Variants in CRPPA observed in about 807,000 individuals in gnomAD.
CRPPA encodes D-ribitol-5-phosphate cytidylyltransferase.
A neutral mutation model predicts 52.0 loss-of-function variants in CRPPA; 43 were observed. That is an observed-to-expected ratio of 0.83 (90% confidence interval 0.65 to 1.07). The LOEUF is 1.07. CRPPA is among the 50% of genes least tolerant of loss of function. CRPPA has a pLI of 0.00. For synonymous variants in CRPPA, 250 were observed against 203.5 expected, an observed-to-expected ratio of 1.23 and a Z score of -1.94; for missense variants, 629 against 551.7, an observed-to-expected ratio of 1.14 and a Z score of -1.40.
chr7:16,362,832 C>CT (rs1562654513), intron 3 of CRPPA, among the ~76,000 whole-genome samples: 2 of 151,988 alleles, frequency 1.3e-5, no homozygotes, highest in Admixed American at 1.3e-4. Context: ...TTTACTCTTC[C>CT]TTTTTTTGGC....
At position 16,099,617 on chromosome 7, in the gene CRPPA, A is replaced by T. The variant is rs1250663841; in HGVS notation, c.1252-7818T>A. On this transcript the variant is annotated intron_variant, in intron 9 of 9. Coordinates refer to ENST00000407010, the MANE Select transcript of CRPPA (RefSeq NM_001101426.4). ...GGAGCAGGAACAGAGAGTAGGAAAG[A>T]CACAAACTACAGTGCTCAGAGCCAG... Among the ~76,000 whole-genome samples the T allele has an allele frequency of 2.6e-5, 4 of 152,200 alleles. No homozygotes were observed. In the East Asian group the frequency reaches 7.7e-4, roughly 29 times the overall value.
chr7:16,311,277 C>T (rs73298642), intron 3 of CRPPA, among the ~76,000 whole-genome samples: 11,932 of 152,148 alleles, frequency 0.078, 893 homozygotes, highest in African/African-American at 0.18. Context: ...ACGTCCATCA[C>T]TGTAGTTATT....
At chr7:16,286,078 T>A (rs1282112442) in intron 5 of CRPPA, among the ~76,000 whole-genome samples, 1,838 of 19,254 alleles carry the variant, frequency 0.095, 273 homozygotes, top group Non-Finnish European at 0.12. Flanking sequence ...TATATATATA[T>A]ATAATATTTA....
chr7:16,136,901 T>G (rs748992629), intron 9 of CRPPA, among the ~76,000 whole-genome samples: 4 of 152,252 alleles, frequency 2.6e-5, no homozygotes, highest in Non-Finnish European at 5.9e-5. Context: ...CTGATAGCTT[T>G]GAGCTCTATA....
intron 9 of CRPPA, among the ~76,000 whole-genome samples, chr7:16,203,462 T>A (rs1781903674): frequency 6.6e-6 from 1 of 152,166 alleles, no homozygotes; most frequent in Non-Finnish European, 1.5e-5. Context: ...GAACTATGGT[T>A]TTTAGTGAAA....
chr7:16,396,741 G>C (rs1418875221), intron 2 of CRPPA, among the ~76,000 whole-genome samples: 1 of 152,230 alleles, frequency 6.6e-6, no homozygotes, highest in Non-Finnish European at 1.5e-5. Context: ...ACATTCGTAT[G>C]ACATGACTGA....
intron 8 of CRPPA, 35 bp downstream of exon 8, chr7:16,258,355 T>A: frequency 7.6e-7 from 1 of 1,318,580 alleles, no homozygotes; most frequent in Non-Finnish European, 1.1e-6. Flanking sequence ...GAAGGAAGCA[T>A]AAGTTTGAGA....
At chr7:16,397,211 T>C (rs112606025) in intron 2 of CRPPA, among the ~76,000 whole-genome samples, 1 of 152,178 alleles carries the variant, frequency 6.6e-6, no homozygotes, top group Non-Finnish European at 1.5e-5. Context: ...GTGACACGAC[T>C]GACACGTATG....
At chr7:16,264,198 T>C (rs1356127454) in intron 6 of CRPPA, among the ~76,000 whole-genome samples, 1 of 152,212 alleles carries the variant, frequency 6.6e-6, no homozygotes, top group East Asian at 1.9e-4. Flanking sequence ...TTAGGTTGTT[T>C]ATATATAAAA....
chr7:16,228,759 ACTC>A (rs1782714909), intron 8 of CRPPA, among the ~76,000 whole-genome samples: 5 of 151,882 alleles, frequency 3.3e-5, no homozygotes, highest in Admixed American at 2.0e-4. Context: ...AAGAGTGTGT[ACTC>A]CTCAGCTGTT....
At chr7:16,101,657 G>A (rs1163420048) in intron 9 of CRPPA, among the ~76,000 whole-genome samples, 2 of 151,774 alleles carry the variant, frequency 1.3e-5, no homozygotes, top group South Asian at 2.1e-4. Flanking sequence ...AAAATCACAA[G>A]CATTCCTATA....
At chr7:16,227,415 C>T (rs899838272) in intron 8 of CRPPA, among the ~76,000 whole-genome samples, 8 of 151,752 alleles carry the variant, frequency 5.3e-5, no homozygotes, top group Admixed American at 4.6e-4. Flanking sequence ...TTGTCCTTTT[C>T]ATAACAGCCA....
At chr7:16,229,492 A>T (rs1312373331) in intron 8 of CRPPA, among the ~76,000 whole-genome samples, 1 of 152,030 alleles carries the variant, frequency 6.6e-6, no homozygotes, top group Non-Finnish European at 1.5e-5. Flanking sequence ...ACCACATTAA[A>T]TTGTTTTAAG....
intron 1 of CRPPA, among the ~76,000 whole-genome samples, chr7:16,414,399 A>ACC (rs1788142220): frequency 2.3e-5 from 3 of 130,822 alleles, no homozygotes; most frequent in Middle Eastern, 3.8e-3. Flanking sequence ...ACACACACAC[A>ACC]CACCCCATGA....
chr7:16,223,672 C>CA (rs1469223834), intron 8 of CRPPA, among the ~76,000 whole-genome samples: 3 of 152,066 alleles, frequency 2.0e-5, no homozygotes, highest in Non-Finnish European at 2.9e-5. Context: ...TCAGTTGGTA[C>CA]AAAATCACAA....
At chr7:16,308,895 TA>T (rs5882565) in intron 3 of CRPPA, among the ~76,000 whole-genome samples, 4 of 152,130 alleles carry the variant, frequency 2.6e-5, no homozygotes, top group Admixed American at 2.0e-4. Context: ...GTTCTAGGCG[TA>T]AAAAAATGTA....
chr7:16,144,664 G>A (rs895858924), intron 9 of CRPPA, among the ~76,000 whole-genome samples: 2 of 152,252 alleles, frequency 1.3e-5, no homozygotes, highest in Admixed American at 6.5e-5. Context: ...TGGGTGGGGG[G>A]AGTCAATGAT....
At chr7:16,322,123 T>C (rs1785278281) in intron 3 of CRPPA, among the ~76,000 whole-genome samples, 1 of 152,106 alleles carries the variant, frequency 6.6e-6, no homozygotes, top group Non-Finnish European at 1.5e-5. Flanking sequence ...CTTTTTACAA[T>C]AGCCCTAGGA....
chr7:16,166,731 AG>A (rs1471343972), intron 9 of CRPPA, among the ~76,000 whole-genome samples: 2 of 152,136 alleles, frequency 1.3e-5, no homozygotes, highest in Non-Finnish European at 2.9e-5. Context: ...ATGACTTTTC[AG>A]GACTCTTACA....
Sources: gnomAD v4.1 joint callset for allele counts (sites outside exome capture counted in the v4.1 genomes callset) on GRCh38, gnomAD v4.1.1 for gene constraint, MANE v1.5 for transcripts, NCBI Gene and HGNC (gene_info 2026-07-23, HGNC 2026-07-21) for gene names.